The following RERE variants were observed in gnomAD, a reference collection of about 807,000 sequenced individuals.
RERE encodes arginine-glutamic acid dipeptide repeats.
A neutral mutation model predicts 146.1 loss-of-function variants in RERE; 40 were observed. That is an observed-to-expected ratio of 0.27 (90% CI 0.21 to 0.36). The LOEUF is 0.36. Among genes scored for constraint, RERE ranks in the 10% least tolerant of loss-of-function variants. The pLI is 1.00. For missense variants in RERE, 1,933 were observed against 2,138.7 expected (o/e 0.90, Z 1.90); for synonymous variants, 1,003 against 866.0 (o/e 1.16, Z -2.78).
chr1:8,528,472 CTTG>C (rs1431891114), intron 7 of RERE, among the ~76,000 whole-genome samples: 1 of 152,086 alleles, frequency 6.6e-6, no homozygotes, highest in Non-Finnish European at 1.5e-5. Flanking sequence ...AGATAATTTT[CTTG>C]TTCTTGGGAA....
chr1:8,635,303 A>G (rs1442278789), intron 2 of RERE, among the ~76,000 whole-genome samples: 1 of 152,202 alleles, frequency 6.6e-6, no homozygotes, highest in Non-Finnish European at 1.5e-5. Flanking sequence ...GATAAAAAGA[A>G]TTCTAGGGTT....
chr1:8,547,622 A>G (rs1320912160), intron 6 of RERE, among the ~76,000 whole-genome samples: 2 of 152,366 alleles, frequency 1.3e-5, no homozygotes, highest in African/African-American at 2.4e-5. Context: ...TCCTTCAAAC[A>G]TATGAAAAAA....
intron 4 of RERE, among the ~76,000 whole-genome samples, chr1:8,603,435 C>T (rs142280579): frequency 4.7e-4 from 71 of 152,376 alleles, no homozygotes; most frequent in African/African-American, 1.7e-3. Flanking sequence ...ACCATCCCAG[C>T]ATCCAAGAAC....
chr1:8,372,678 T>A (rs1199689340), intron 12 of RERE, among the ~76,000 whole-genome samples: 1 of 152,214 alleles, frequency 6.6e-6, no homozygotes, highest in African/African-American at 2.4e-5. Flanking sequence ...CAAAGAATGA[T>A]GAGGACTGCT....
At position 8,592,282 on chromosome 1, in the gene RERE, T is replaced by C. The variant is rs770205916; in HGVS notation, c.522+22279A>G. Among the ~76,000 whole-genome samples, 54 of 152,236 alleles carry C rather than the reference T, an allele frequency of 3.5e-4. No homozygotes were observed. The Middle Eastern group carries it at 0.01, about 29-fold the overall frequency. On this transcript the variant is annotated intron_variant, in intron 4 of 22. Coordinates refer to ENST00000400908, the MANE Select transcript of RERE (RefSeq NM_001042681.2). ...CAAAAGGTACTTTTTTTTTCTTTTT[T>C]AAAGACACCGTCTCTGTCTGTCACC...
At chr1:8,380,867 G>C (rs1228716907) in intron 12 of RERE, 1 of 456,718 alleles carries the variant, frequency 2.2e-6, no homozygotes, top group Admixed American at 2.3e-5. Flanking sequence ...TTGGAGTCCT[G>C]GTCCTGAAAG....
At chr1:8,495,615 A>C (rs1412705676) in intron 9 of RERE, among the ~76,000 whole-genome samples, 1 of 152,208 alleles carries the variant, frequency 6.6e-6, no homozygotes, top group Non-Finnish European at 1.5e-5. Context: ...CCCAGACCAA[A>C]AATAAATTTA....
At chr1:8,659,180 T>G (rs1454210371) in intron 1 of RERE, among the ~76,000 whole-genome samples, 1 of 152,212 alleles carries the variant, frequency 6.6e-6, no homozygotes, top group Non-Finnish European at 1.5e-5. Flanking sequence ...AGGCTACTAG[T>G]GCTAGCAACT....
chr1:8,416,936 C>T (rs1643792250), intron 12 of RERE, among the ~76,000 whole-genome samples: 1 of 152,014 alleles, frequency 6.6e-6, no homozygotes, highest in African/African-American at 2.4e-5. Context: ...GATGAGAGTG[C>T]TGGCCTGAGG....
intron 1 of RERE, among the ~76,000 whole-genome samples, chr1:8,783,175 A>C (rs775637349): frequency 2.6e-5 from 4 of 151,984 alleles, no homozygotes; most frequent in Non-Finnish European, 4.4e-5. Context: ...TTCTACAGAA[A>C]GTTTTTAAAA....
chr1:8,635,501 C>G (rs890840381), intron 2 of RERE, among the ~76,000 whole-genome samples: 1 of 152,204 alleles, frequency 6.6e-6, no homozygotes, highest in Non-Finnish European at 1.5e-5. Context: ...AAACCGTATT[C>G]ACAACAGACT....
intron 10 of RERE, among the ~76,000 whole-genome samples, chr1:8,484,731 C>T (rs1644876823): frequency 6.6e-6 from 1 of 152,096 alleles, no homozygotes; most frequent in African/African-American, 2.4e-5. Context: ...CCAAATAAAA[C>T]AATTTTACAT....
intron 6 of RERE, among the ~76,000 whole-genome samples, chr1:8,543,151 T>G (rs1457006378): frequency 1.3e-5 from 2 of 152,136 alleles, no homozygotes; most frequent in Non-Finnish European, 2.9e-5. Context: ...GATAGTAAGA[T>G]CCAATTCAAG....
chr1:8,619,528 G>A (rs1646893638), intron 3 of RERE, among the ~76,000 whole-genome samples: 1 of 152,176 alleles, frequency 6.6e-6, no homozygotes, highest in African/African-American at 2.4e-5. Context: ...TGACAGCAAT[G>A]CAAGAATCCA....
chr1:8,630,386 C>G (rs1464611245), intron 2 of RERE, among the ~76,000 whole-genome samples: 1 of 151,936 alleles, frequency 6.6e-6, no homozygotes, highest in Non-Finnish European at 1.5e-5. Flanking sequence ...AACAAACAAA[C>G]TAAACAGAGA....
At chr1:8,706,271 G>C (rs1028761913) in intron 1 of RERE, among the ~76,000 whole-genome samples, 1 of 151,828 alleles carries the variant, frequency 6.6e-6, no homozygotes, top group African/African-American at 2.4e-5. Flanking sequence ...AACATAACAA[G>C]ACTCAGTCTC....
chr1:8,605,872 T>C, intron 4 of RERE, among the ~76,000 whole-genome samples: 1 of 89,178 alleles, frequency 1.1e-5, no homozygotes, highest in South Asian at 4.3e-4. Flanking sequence ...TGAGACAGCG[T>C]CTCACTCTGT....
intron 1 of RERE, among the ~76,000 whole-genome samples, chr1:8,762,106 C>T (rs1402544640): frequency 2.0e-5 from 3 of 152,208 alleles, no homozygotes; most frequent in African/African-American, 4.8e-5. Flanking sequence ...AAGATTCAGA[C>T]CAAATGCCTC....
At chr1:8,634,916 TAGTAG>T (rs1223698513) in intron 2 of RERE, among the ~76,000 whole-genome samples, 1 of 152,110 alleles carries the variant, frequency 6.6e-6, no homozygotes, top group Admixed American at 6.5e-5. Context: ...TTTGTATTTT[TAGTAG>T]AGATGAGGTT....
Sources: gnomAD v4.1 joint callset for allele counts (sites outside exome capture counted in the v4.1 genomes callset) on GRCh38, gnomAD v4.1.1 for gene constraint, MANE v1.5 for transcripts, NCBI Gene and HGNC (gene_info 2026-07-23, HGNC 2026-07-21) for gene names.